DHRSX: variants seen among roughly 807,000 people sequenced by gnomAD.
The protein encoded by DHRSX is polyprenol dehydrogenase.
DHRSX carries 31 observed loss-of-function variants against 34.0 expected under a neutral mutation model. The observed-to-expected ratio is 0.91, with a 90% confidence interval of 0.69 to 1.23. The LOEUF (loss-of-function observed/expected upper bound fraction) is 1.23, where lower values mean the gene tolerates loss of function less well. Ranked by LOEUF, DHRSX falls within the 50% of genes most tolerant of loss-of-function variation. The pLI is 0.00. For synonymous variants in DHRSX, 201 were observed against 183.8 expected, an observed-to-expected ratio of 1.09 and a Z score of -0.76; for missense variants, 414 against 428.1, an observed-to-expected ratio of 0.97 and a Z score of 0.29.
intron 1 of DHRSX, among the ~76,000 whole-genome samples, chrX:2,495,791 G>A (rs1023114989): frequency 6.6e-6 from 1 of 151,868 alleles, no homozygotes; most frequent in Non-Finnish European, 1.5e-5. Flanking sequence ...GGTTTGGGGG[G>A]GACACTCCCC....
chrX:2,272,741 C>T (rs2041574062), intron 4 of DHRSX, among the ~76,000 whole-genome samples: 1 of 152,122 alleles, frequency 6.6e-6, no homozygotes, highest in Non-Finnish European at 1.5e-5. Context: ...AGAAAGCTAT[C>T]CTGGACATCC....
chrX:2,413,249 G>C (rs927747112), intron 2 of DHRSX, among the ~76,000 whole-genome samples: 1 of 152,086 alleles, frequency 6.6e-6, no homozygotes, highest in African/African-American at 2.4e-5. Context: ...GGTGCTAGGG[G>C]GGTGGGTTGC....
At chrX:2,251,551 G>A (rs2016433733) in intron 5 of DHRSX, among the ~76,000 whole-genome samples, 1 of 152,172 alleles carries the variant, frequency 6.6e-6, no homozygotes, top group African/African-American at 2.4e-5. Context: ...TCCAGCCCTG[G>A]AAACTGGACA....
intron 3 of DHRSX, among the ~76,000 whole-genome samples, chrX:2,365,746 T>C (rs888207856): frequency 6.6e-6 from 1 of 151,982 alleles, no homozygotes; most frequent in East Asian, 1.9e-4. Context: ...GTGACTGCCT[T>C]TGGTGAGCCT....
intron 3 of DHRSX, among the ~76,000 whole-genome samples, chrX:2,406,109 T>C (rs1019767585): frequency 1.4e-4 from 21 of 152,112 alleles, no homozygotes; most frequent in African/African-American, 5.1e-4. Context: ...CTGGCCAACA[T>C]GGCGAAACCC....
At chrX:2,324,519 T>C (rs2042353002) in intron 3 of DHRSX, among the ~76,000 whole-genome samples, 1 of 152,150 alleles carries the variant, frequency 6.6e-6, no homozygotes, top group Non-Finnish European at 1.5e-5. Flanking sequence ...GCTTGACCTG[T>C]GCTTGCAAGG....
At chrX:2,336,420 T>C (rs2042564604) in intron 3 of DHRSX, 1 of 152,154 alleles carries the variant, frequency 6.6e-6, no homozygotes, top group Non-Finnish European at 1.5e-5. Flanking sequence ...GTAACATTTA[T>C]CTAGCAACAA....
intron 6 of DHRSX, among the ~76,000 whole-genome samples, chrX:2,237,661 C>T (rs1221227482): frequency 4.6e-5 from 7 of 152,138 alleles, no homozygotes; most frequent in East Asian, 1.9e-4. Context: ...ACTGCCACCA[C>T]GCCTGGCTAA....
intron 4 of DHRSX, among the ~76,000 whole-genome samples, chrX:2,283,022 A>G (rs1246005280): frequency 4.0e-5 from 6 of 151,390 alleles, no homozygotes; most frequent in African/African-American, 1.2e-4. Flanking sequence ...AGAATGACAG[A>G]GAGACGGGGA....
At chrX:2,479,783 G>A (rs1276804114) in intron 1 of DHRSX, among the ~76,000 whole-genome samples, 1 of 151,914 alleles carries the variant, frequency 6.6e-6, no homozygotes, top group Non-Finnish European at 1.5e-5. Context: ...CCACACTGTA[G>A]ACGTTCCCTA....
chrX:2,221,332 C>T (rs2015515493), intron 6 of DHRSX, 103 bp from the exon 7 acceptor site: 1 of 1,174,554 alleles, frequency 8.5e-7, no homozygotes, highest in Non-Finnish European at 1.2e-6. Flanking sequence ...GGAATATACT[C>T]ATCAGCTGCA....
At chrX:2,324,656 T>C (rs1465473933) in intron 3 of DHRSX, among the ~76,000 whole-genome samples, 1 of 152,164 alleles carries the variant, frequency 6.6e-6, no homozygotes, top group African/African-American at 2.4e-5. Context: ...CTCGGCAATA[T>C]AGTACTCCAC....
intron 3 of DHRSX, among the ~76,000 whole-genome samples, chrX:2,371,662 C>T (rs1195553494): frequency 1.3e-5 from 2 of 149,918 alleles, no homozygotes; most frequent in Non-Finnish European, 3.0e-5. Flanking sequence ...CCTCCCCTTA[C>T]CATAGTCCCT....
intron 1 of DHRSX, among the ~76,000 whole-genome samples, chrX:2,496,209 GT>G (rs920699836): frequency 1.0e-4 from 15 of 150,518 alleles, no homozygotes; most frequent in Admixed American, 7.9e-4. Flanking sequence ...TGTTTTTTTG[GT>G]TTTTTTGAGA....
chrX:2,390,440 AT>A (rs34329831), intron 3 of DHRSX, among the ~76,000 whole-genome samples: 70,992 of 149,578 alleles, frequency 0.47, 17,484 homozygotes, highest in African/African-American at 0.6. Context: ...GCCCAGCTGC[AT>A]TTTTTTTTTT....
In DHRSX at chrX:2,298,601, TACACACAC is replaced by T. The variant is rs747078260; in HGVS notation, c.287-7006_287-6999del. The stretch of plus-strand genomic sequence containing the variant: ...AGCAGTTCTCCTGCAGGCGCGTGTG[TACACACAC>T]ACACACACACACACACACACACACA... On this transcript the variant is annotated intron_variant, in intron 3 of 6. Coordinates refer to ENST00000334651, the MANE Select transcript of DHRSX (RefSeq NM_145177.3). Among the ~76,000 whole-genome samples, 57 of 131,806 alleles carry T rather than the reference TACACACAC, an allele frequency of 4.3e-4. 4 individuals are homozygous for T. Among genetic ancestry groups the T allele is most frequent in the East Asian group, 1.0e-3 (5 of 4,870 alleles). 86.5% of individuals were successfully genotyped at this position (131,806 alleles called of 152,430 possible).
At chrX:2,308,038 C>T (rs1439795060) in intron 3 of DHRSX, among the ~76,000 whole-genome samples, 1 of 152,032 alleles carries the variant, frequency 6.6e-6, no homozygotes, top group African/African-American at 2.4e-5. Flanking sequence ...TTTCATTCCA[C>T]CTGGAGTACC....
In DHRSX at chrX:2,408,882, A is replaced by AC. The variant is rs2040776413; in HGVS notation, c.218-70_218-69insG. ...ATCCAGAAACTATTAACTGCAAAAAAAAAAAGAGGTTTTAAGAGAAGTATA... is the reference window on the plus strand; with the variant it reads ...ATCCAGAAACTATTAACTGCAAAAAACAAAAAGAGGTTTTAAGAGAAGTATA... On this transcript the variant is annotated intron_variant, in intron 2 of 6. Transcript: ENST00000334651. 5.3e-6 allele frequency: 7 copies of AC among 1,321,982 alleles called. No homozygotes were observed. The South Asian group carries it at 7.9e-5, about 15-fold the overall frequency. The allele number at this position is 1,321,982 out of a possible 1,614,324, so 81.9% of individuals were successfully genotyped here.
chrX:2,470,732 A>G (rs1324476143), intron 1 of DHRSX, among the ~76,000 whole-genome samples: 1 of 152,120 alleles, frequency 6.6e-6, no homozygotes, highest in African/African-American at 2.4e-5. Flanking sequence ...ATTAAAATTA[A>G]TTTTTTTCAG....
Sources: allele counts gnomAD v4.1 joint callset (sites outside exome capture counted in the v4.1 genomes callset), GRCh38; gene constraint gnomAD v4.1.1; transcripts MANE v1.5; gene names NCBI Gene and HGNC (gene_info 2026-07-23, HGNC 2026-07-21).